FGFR1: variants seen among roughly 807,000 people sequenced by gnomAD.
FGFR1 encodes the protein FGFR1/PLAG1 fusion.
Under a neutral mutation model 93.7 loss-of-function variants are expected in FGFR1, and 18 were observed. That is an observed-to-expected ratio of 0.19 (90% CI 0.13 to 0.28). The LOEUF (loss-of-function observed/expected upper bound fraction) is 0.28. Among genes scored for constraint, FGFR1 ranks in the 10% least tolerant of loss-of-function variants. The pLI is 1.00. For synonymous variants in FGFR1, 448 were observed against 429.3 expected, an observed-to-expected ratio of 1.04 and a Z score of -0.54; for missense variants, 731 against 1,080.4, an observed-to-expected ratio of 0.68 and a Z score of 4.53.
intron 2 of FGFR1, among the ~76,000 whole-genome samples, chr8:38,438,983 C>T (rs374819474): frequency 1.4e-4 from 22 of 152,172 alleles, no homozygotes; most frequent in African/African-American, 4.6e-4. Flanking sequence ...CCAGCAGGCT[C>T]GGCTGTCCAA....
In FGFR1 at chr8:38,411,989, G is replaced by C. The variant is rs902416325; in HGVS notation, c.*1639C>G. ...CAGGTGACATGTTCTCCTGCACTTA[G>C]AAGCACTGGCAAAACCATGCCCACA... On this transcript the variant is annotated 3_prime_UTR_variant, in exon 18 of 18. Coordinates refer to ENST00000447712, the MANE Select transcript of FGFR1 (RefSeq NM_023110.3). 2 of 231,824 alleles carry C rather than the reference G, an allele frequency of 8.6e-6. No homozygotes were observed. The highest frequency in any genetic ancestry group is 1.7e-5 in the Non-Finnish European group (2 of 117,120). 14.4% of individuals were successfully genotyped at this position (231,824 alleles called of 1,614,324 possible).
At chr8:38,419,089 C>G (rs1817787442) in intron 9 of FGFR1, among the ~76,000 whole-genome samples, 1 of 152,222 alleles carries the variant, frequency 6.6e-6, no homozygotes, top group Non-Finnish European at 1.5e-5. Flanking sequence ...GAGGCCTCCC[C>G]AGCCACGTGG....
chr8:38,457,010 A>C (rs1186371266), intron 2 of FGFR1, among the ~76,000 whole-genome samples: 1 of 152,216 alleles, frequency 6.6e-6, no homozygotes, highest in Non-Finnish European at 1.5e-5. Context: ...CACCAGCTGC[A>C]TTTTATACAT....
chr8:38,429,260 C>A lies in FGFR1; in HGVS notation c.358+422G>T. 2.0e-6 allele frequency: 1 copy of A among 494,856 alleles called. No homozygotes were observed. The highest frequency in any genetic ancestry group is 6.0e-5 in the East Asian group (1 of 16,760). 30.7% of individuals were successfully genotyped at this position (494,856 alleles called of 1,614,324 possible). On this transcript the variant is annotated intron_variant, in intron 3 of 17. Coordinates refer to ENST00000447712, the MANE Select transcript of FGFR1 (RefSeq NM_023110.3). The surrounding 1 kb of genome is among the most constrained non-coding windows in gnomAD (Gnocchi z 4.4). The stretch of plus-strand genomic sequence containing the variant: ...CTTGCGGTGCACCTGGGTTCCTCTC[C>A]AGCAGAGCAGGGATACCACCACCTG...
In FGFR1 at chr8:38,415,967, T is replaced by A. The variant is rs757254917; in HGVS notation, c.1757A>T (p.Asn586Ile). Residue 586 changes from asparagine (N) to isoleucine (I), a missense_variant, in exon 13 of 18, where the codon AAC becomes ATC. By Grantham distance (149) the Asn-to-Ile change is moderately radical. Around this residue, in one of 10 missense-constraint regions of FGFR1, gnomAD observed 39 missense variants for 39.2 expected, o/e 1.00. Coordinates refer to ENST00000447712, the MANE Select transcript of FGFR1 (RefSeq NM_023110.3). ...RRPPGLEYCY[N>I]PSHNPEEQLS... ...CTGCTCCTCTGGGTTGTGGCTGGGG[T>A]TGTAGCAGTATTCCAGCCCTGGGGG... 2 of 1,612,946 alleles carry A rather than the reference T, an allele frequency of 1.2e-6. No individual in the cohort carries two copies. The highest frequency in any genetic ancestry group is 2.2e-5 in the South Asian group (2 of 91,052).
Position 38,413,902 on chromosome 8 carries a change from G to A in FGFR1, c.2292+16C>T, listed in dbSNP as rs752866466. 1 of 1,613,612 alleles carries A rather than the reference G, an allele frequency of 6.2e-7. No individual in the cohort carries two copies. On this transcript the variant is annotated intron_variant, in intron 17 of 17. Coordinates refer to ENST00000447712, the MANE Select transcript of FGFR1 (RefSeq NM_023110.3). The surrounding 1 kb of genome is among the most constrained non-coding windows in gnomAD (Gnocchi z 4.2). ...GGGGACGGCCTGAGCTCTGGCTCTG[G>A]CACGGGCAGCCTTACCTGGTTGGAG...
rs1413865909 is a variant in FGFR1 at position 38,412,856 on chromosome 8, CTTTTTT to C, written c.*766_*771del. On this transcript the variant is annotated 3_prime_UTR_variant, in exon 18 of 18. Coordinates refer to ENST00000447712, the MANE Select transcript of FGFR1 (RefSeq NM_023110.3). ...TTTTAAAAACATTTTCCTTTTTTTTCTTTTTTGTTTTTAATATATAGCAACTGATGC... is the reference window on the plus strand; with the variant it reads ...TTTTAAAAACATTTTCCTTTTTTTTCGTTTTTAATATATAGCAACTGATGC... The C allele has an allele frequency of 1.3e-4, 31 of 233,146 alleles. No individual in the cohort carries two copies. Among genetic ancestry groups the C allele is most frequent in the Non-Finnish European group, 8.5e-5 (10 of 117,878 alleles). 14.4% of individuals were successfully genotyped at this position (233,146 alleles called of 1,614,324 possible).
rs1248111718 is a variant in FGFR1 at position 38,428,397 on chromosome 8, C to T, written c.397G>A (p.Asp133Asn). The change falls in exon 4 of 18, where the codon GAC becomes AAC. Residue 133 changes from aspartate to asparagine, a missense_variant. Transcript: ENST00000447712. ...PSSEDDDDDD[D>N]SSSEEKETDN... is the part of the protein sequence containing the mutation. Reference sequence around the variant, plus strand: ...GTTTCTTTCTCCTCTGAAGAGGAGTCATCATCATCATCATCATCCTCCGAG... The same window carrying T: ...GTTTCTTTCTCCTCTGAAGAGGAGTTATCATCATCATCATCATCCTCCGAG... The T allele has an allele frequency of 6.3e-7, 1 of 1,590,654 alleles. No individual in the cohort carries two copies. The highest frequency in any genetic ancestry group is 8.6e-7 in the Non-Finnish European group (1 of 1,161,846).
Position 38,424,447 on chromosome 8 carries a change from G to A in FGFR1, c.936+62C>T. On this transcript the variant is annotated intron_variant, in intron 7 of 17. Transcript: ENST00000447712. The surrounding 1 kb of genome is among the most constrained non-coding windows in gnomAD (Gnocchi z 4.3). ...ACTGAGCCTGCCCACAGGAACTTGA[G>A]CCCCCGAGACAGTGGTCTCCTTCCC... 6.3e-7 allele frequency: 1 copy of A among 1,593,170 alleles called. No individual in the cohort carries two copies. Among genetic ancestry groups the A allele is most frequent in the East Asian group, 2.2e-5 (1 of 44,752 alleles).
chr8:38,446,263 T>C (rs944824216), intron 2 of FGFR1, among the ~76,000 whole-genome samples: 4 of 150,048 alleles, frequency 2.7e-5, no homozygotes, highest in Non-Finnish European at 5.9e-5. Flanking sequence ...CAGGCTGCAG[T>C]GCAGTGGCAC....
intron 2 of FGFR1, among the ~76,000 whole-genome samples, chr8:38,434,008 A>C (rs1022121176): frequency 2.0e-5 from 3 of 152,212 alleles, no homozygotes; most frequent in African/African-American, 7.2e-5. Context: ...TATCAATGGA[A>C]TCATACAATA....
rs1295787608 is a variant in FGFR1 at position 38,463,401 on chromosome 8, C to T, written c.-89+4580G>A. 9 of 196,258 alleles carry T rather than the reference C, an allele frequency of 4.6e-5. No homozygotes were observed. In the East Asian group the frequency reaches 7.1e-4, roughly 16 times the overall value. The allele number at this position is 196,258 out of a possible 1,614,324, so 12.2% of individuals were successfully genotyped here. A position where few individuals can be genotyped will look rare whatever the true frequency, so the allele number is the denominator to read the frequency against. ...GGAGAATTTCATTCCTCCAAATTTG[C>T]AAACCACATTACTAGCCCCTCTCAC... is the stretch of plus-strand genomic sequence containing the variant. On this transcript the variant is annotated intron_variant, in intron 1 of 17. Transcript: ENST00000447712.
intron 8 of FGFR1, chr8:38,421,510 C>A (rs762248794): frequency 4.1e-6 from 2 of 493,528 alleles, no homozygotes; most frequent in South Asian, 4.1e-5. Context: ...CTGGAGGAGT[C>A]GGGCTGCAGG....
At position 38,426,091 on chromosome 8, in the gene FGFR1, C is replaced by T. The variant is rs370701549; in HGVS notation, c.745+31G>A. 2.1e-4 allele frequency: 335 copies of T among 1,613,818 alleles called. No homozygotes were observed. The highest frequency in any genetic ancestry group is 2.8e-4 in the Non-Finnish European group (328 of 1,179,984). ...TCCAAGCCTGGCTCTTCCCACTAAA[C>T]TCATTCCTCCTGCTGCCTCTGCCCT... is the stretch of plus-strand genomic sequence containing the variant. On this transcript the variant is annotated intron_variant, in intron 6 of 17. Transcript: ENST00000447712. This position sits in a 1 kb window ranked among gnomAD's most constrained non-coding sequence, Gnocchi z 4.1.
chr8:38,422,334 G>A (rs879376009), intron 7 of FGFR1: 18 of 443,198 alleles, frequency 4.1e-5, no homozygotes, highest in Non-Finnish European at 5.9e-5. Context: ...ACACACACAT[G>A]CACACGCATA....
rs890397142 is a variant in FGFR1 at position 38,424,727 on chromosome 8, G to A, written c.746-28C>T. On this transcript the variant is annotated intron_variant, in intron 6 of 17. Transcript: ENST00000447712. The surrounding 1 kb of genome is among the most constrained non-coding windows in gnomAD (Gnocchi z 4.3). ...GTGGAAGATGGGAGAGGAGGCACTT[G>A]TCATGGGGACCTTGCCATGGCTAAA... is the stretch of plus-strand genomic sequence containing the variant. 1 of 1,603,062 alleles carries A rather than the reference G, an allele frequency of 6.2e-7. No homozygotes were observed. Among genetic ancestry groups the A allele is most frequent in the Non-Finnish European group, 8.5e-7 (1 of 1,171,878 alleles).
chr8:38,432,105 A>C (rs1195376539), intron 2 of FGFR1, among the ~76,000 whole-genome samples: 1 of 152,198 alleles, frequency 6.6e-6, no homozygotes, highest in African/African-American at 2.4e-5. Context: ...ATCCCAGAGA[A>C]AAAAGCAGCT....
intron 2 of FGFR1, among the ~76,000 whole-genome samples, chr8:38,456,485 A>G (rs1283718196): frequency 1.3e-5 from 2 of 152,130 alleles, no homozygotes; most frequent in Non-Finnish European, 2.9e-5. Flanking sequence ...AACAGTACCT[A>G]TCCAAAGCAA....
chr8:38,446,532 C>T (rs2151193726), intron 2 of FGFR1, among the ~76,000 whole-genome samples: 1 of 152,094 alleles, frequency 6.6e-6, no homozygotes, highest in Non-Finnish European at 1.5e-5. Flanking sequence ...CCTACCTTAG[C>T]CTCCCGAGTA....
Sources: allele counts gnomAD v4.1 joint callset (sites outside exome capture counted in the v4.1 genomes callset), GRCh38; gene constraint gnomAD v4.1.1; regional missense constraint gnomAD v4.1.1; non-coding constraint Gnocchi (gnomAD v3.1); transcripts MANE v1.5; gene names NCBI Gene and HGNC (gene_info 2026-07-23, HGNC 2026-07-21).